The following COLGALT1 variants were observed in gnomAD, a reference collection of about 807,000 sequenced individuals.
COLGALT1 encodes collagen beta(1-O)galactosyltransferase 1.
COLGALT1 carries 43 observed loss-of-function variants against 60.8 expected under a neutral mutation model. The ratio of observed to expected loss-of-function variants is 0.71; its 90% CI spans 0.55 to 0.91. The LOEUF (loss-of-function observed/expected upper bound fraction) is 0.91. Ranked by LOEUF, COLGALT1 falls within the 40% of genes least tolerant of loss-of-function variation. The probability of loss-of-function intolerance (pLI) is 0.00; values close to 1 mark genes in which losing one functional copy is unlikely to be tolerated. For synonymous variants in COLGALT1, 369 were observed against 374.2 expected (o/e 0.99, Z 0.16); for missense variants, 845 against 880.0 (o/e 0.96, Z 0.50).
At chr19:17,561,663 T>A (rs948459675) in intron 3 of COLGALT1, among the ~76,000 whole-genome samples, 1 of 148,388 alleles carries the variant, frequency 6.7e-6, no homozygotes, top group African/African-American at 2.5e-5. Flanking sequence ...AAAACAGACT[T>A]ATAGGTTGAA....
At chr19:17,556,210 C>G (rs978192677) in intron 1 of COLGALT1, among the ~76,000 whole-genome samples, 2 of 152,200 alleles carry the variant, frequency 1.3e-5, no homozygotes, top group African/African-American at 4.8e-5. Context: ...CAGACACAGC[C>G]CTCCCCACAA....
At chr19:17,579,460 G>A (rs1295410887) in intron 9 of COLGALT1, 22 bp from the exon 10 acceptor site, 2 of 1,608,210 alleles carry the variant, frequency 1.2e-6, no homozygotes. Flanking sequence ...TCCCTGTGAT[G>A]TGGCGGGGCT....
intron 3 of COLGALT1, among the ~76,000 whole-genome samples, chr19:17,564,286 C>T (rs1002528168): frequency 1.4e-5 from 2 of 147,114 alleles, no homozygotes; most frequent in African/African-American, 2.5e-5. Context: ...TATGTGTGTG[C>T]GTGTGTGTAT....
intron 3 of COLGALT1, among the ~76,000 whole-genome samples, chr19:17,565,196 G>T (rs562954264): frequency 2.6e-5 from 4 of 151,778 alleles, no homozygotes; most frequent in African/African-American, 9.7e-5. Context: ...GCTCTGTCGC[G>T]CAGGTTTGCA....
At chr19:17,573,888 G>A (rs186976103) in intron 6 of COLGALT1, among the ~76,000 whole-genome samples, 2 of 151,994 alleles carry the variant, frequency 1.3e-5, no homozygotes, top group African/African-American at 4.8e-5. Flanking sequence ...AGGCTGAGGC[G>A]AGAGGATCCC....
At chr19:17,573,371 C>CA (rs1031002650) in intron 6 of COLGALT1, among the ~76,000 whole-genome samples, 15 of 151,656 alleles carry the variant, frequency 9.9e-5, no homozygotes, top group South Asian at 2.1e-4. Flanking sequence ...ACTAAAAATA[C>CA]AAAAAAAATT....
At position 17,581,275 on chromosome 19, in the gene COLGALT1, A is replaced by G; in HGVS notation, c.1700A>G (p.Tyr567Cys). The G allele has an allele frequency of 6.2e-7, 1 of 1,612,432 alleles. No individual in the cohort carries two copies. The highest frequency in any genetic ancestry group is 8.5e-7 in the Non-Finnish European group (1 of 1,179,960). ...ACACACTACACAGGAGACGATGGCTATGTGAGTGACACCGAGACCTCAGTC... is the reference window on the plus strand; with the variant it reads ...ACACACTACACAGGAGACGATGGCTGTGTGAGTGACACCGAGACCTCAGTC... ...YPTHYTGDDG[Y>C]VSDTETSVVW... Residue 567 changes from tyrosine (Y) to cysteine (C), a missense_variant, in exon 12 of 12, where the codon TAT becomes TGT. Coordinates refer to ENST00000252599, the MANE Select transcript of COLGALT1 (RefSeq NM_024656.4).
chr19:17,556,327 C>T (rs1234367893), intron 1 of COLGALT1, among the ~76,000 whole-genome samples: 1 of 152,222 alleles, frequency 6.6e-6, no homozygotes, highest in African/African-American at 2.4e-5. Flanking sequence ...AACTGGGGCT[C>T]TAACTCCCTC....
Position 17,577,955 on chromosome 19 carries a change from A to G in COLGALT1, c.1134-2A>G, listed in dbSNP as rs1417141912. 1 of 1,607,460 alleles carries G rather than the reference A, an allele frequency of 6.2e-7. No homozygotes were observed. The highest frequency in any genetic ancestry group is 2.2e-5 in the East Asian group (1 of 44,732). ...TCGTGACCCTCTCCTCCTCCTCTCC[A>G]GAGCCATGAACACCAGCCAGGTGGA... On this transcript the variant is annotated splice_acceptor_variant, in intron 8 of 11. Transcript: ENST00000252599. LOFTEE classifies it high-confidence loss of function.
At position 17,581,487 on chromosome 19, in the gene COLGALT1, G is replaced by A; in HGVS notation, c.*43G>A. The A allele has an allele frequency of 1.3e-6, 2 of 1,576,452 alleles. No individual in the cohort carries two copies. Among genetic ancestry groups the A allele is most frequent in the Middle Eastern group, 1.7e-4 (1 of 5,928 alleles). ...GCCAAAGCAGCCATCGGTGGCCCAGGCTCCACGTGCTTACTGAGGACATCA... is the reference window on the plus strand; with the variant it reads ...GCCAAAGCAGCCATCGGTGGCCCAGACTCCACGTGCTTACTGAGGACATCA... On this transcript the variant is annotated 3_prime_UTR_variant, in exon 12 of 12. Coordinates refer to ENST00000252599, the MANE Select transcript of COLGALT1 (RefSeq NM_024656.4).
chr19:17,567,654 G>A, intron 4 of COLGALT1, 114 bp downstream of exon 4: 1 of 1,258,888 alleles, frequency 7.9e-7, no homozygotes, highest in Non-Finnish European at 1.1e-6. Context: ...AAATCATCAT[G>A]GAAGCTGGGC....
chr19:17,578,074 C>G lies in COLGALT1; in HGVS notation c.1251C>G (p.Tyr417Ter). ...AGCTGGGCTGCTTCCTGAGCCACTA[C>G]AACATCTGGAAGGAGGTGTGTCCTG... ...KGELGCFLSH[Y>*]NIWKEVVDRG... The change falls in exon 9 of 12, where the codon TAC becomes TAG. Residue 417 changes from tyrosine (Y) to a stop codon, truncating the protein, a stop_gained. Transcript: ENST00000252599. LOFTEE classifies it high-confidence loss of function. 6.2e-7 allele frequency: 1 copy of G among 1,608,824 alleles called. No homozygotes were observed. Among genetic ancestry groups the G allele is most frequent in the South Asian group, 1.1e-5 (1 of 90,810 alleles).
chr19:17,577,471 A>G lies in COLGALT1; in HGVS notation c.1133+4A>G. 1 of 124,778 alleles carries G rather than the reference A, an allele frequency of 8.0e-6. No homozygotes were observed. Among genetic ancestry groups the G allele is most frequent in the Non-Finnish European group, 1.1e-5 (1 of 91,268 alleles). 7.7% of individuals were successfully genotyped at this position (124,778 alleles called of 1,614,324 possible). On this transcript the variant is annotated splice_donor_region_variant and intron_variant, in intron 8 of 11. Coordinates refer to ENST00000252599, the MANE Select transcript of COLGALT1 (RefSeq NM_024656.4). ...TGGTGGAGGCCGTGGACGGCAAGTG[A>G]GTCCGAGGCCTGGGGGTGGGGGGGC... is the stretch of plus-strand genomic sequence containing the variant.
At chr19:17,572,332 T>G (rs1022661407) in intron 5 of COLGALT1, 151 bp from the exon 6 acceptor site, 1 of 1,046,568 alleles carries the variant, frequency 9.6e-7, no homozygotes. Flanking sequence ...TTTGTAGATA[T>G]AAGGTCTTGC....
Position 17,581,659 on chromosome 19 carries a change from T to C in COLGALT1, c.*215T>C. The C allele has an allele frequency of 3.1e-6, 2 of 641,508 alleles. No homozygotes were observed. Among genetic ancestry groups the C allele is most frequent in the Admixed American group, 3.0e-5 (1 of 33,348 alleles). 39.7% of individuals were successfully genotyped at this position (641,508 alleles called of 1,614,324 possible). On this transcript the variant is annotated 3_prime_UTR_variant, in exon 12 of 12. Transcript: ENST00000252599. ...AGCAACAGGGCTTGGCCCTGGGGAATTGGGAGGAACCAAGCCCTCTTCATC... is the reference window on the plus strand; with the variant it reads ...AGCAACAGGGCTTGGCCCTGGGGAACTGGGAGGAACCAAGCCCTCTTCATC...
chr19:17,573,228 T>C (rs529701495), intron 6 of COLGALT1, among the ~76,000 whole-genome samples: 8 of 151,976 alleles, frequency 5.3e-5, no homozygotes, highest in Non-Finnish European at 1.0e-4. Flanking sequence ...ACCCCATCTC[T>C]ATATTAAAAA....
chr19:17,581,837 A>G lies in COLGALT1; in HGVS notation c.*393A>G, dbSNP rs1301655608. On this transcript the variant is annotated 3_prime_UTR_variant, in exon 12 of 12. Transcript: ENST00000252599. ...TAAGAATCAGGCACTAGTGATACACATTCATTTTTAAAATTCATTCAAGGA... is the reference window on the plus strand; with the variant it reads ...TAAGAATCAGGCACTAGTGATACACGTTCATTTTTAAAATTCATTCAAGGA... 4 of 209,246 alleles carry G rather than the reference A, an allele frequency of 1.9e-5. No homozygotes were observed. Among genetic ancestry groups the G allele is most frequent in the Non-Finnish European group, 3.9e-5 (4 of 102,838 alleles). The allele number at this position is 209,246 out of a possible 1,614,324, so 13.0% of individuals were successfully genotyped here.
intron 3 of COLGALT1, among the ~76,000 whole-genome samples, chr19:17,563,020 A>G (rs1351224953): frequency 2.0e-5 from 3 of 152,062 alleles, no homozygotes; most frequent in Non-Finnish European, 4.4e-5. Flanking sequence ...GGAGCCTTCC[A>G]GAGCCTTCTG....
intron 3 of COLGALT1, among the ~76,000 whole-genome samples, chr19:17,567,096 C>T (rs2076283631): frequency 2.6e-5 from 4 of 152,004 alleles, no homozygotes; most frequent in Admixed American, 2.6e-4. Flanking sequence ...GCCTGGGTGA[C>T]AGAGCGAGAC....
Sources: allele counts gnomAD v4.1 joint callset (sites outside exome capture counted in the v4.1 genomes callset), GRCh38; gene constraint gnomAD v4.1.1; transcripts MANE v1.5; gene names NCBI Gene and HGNC (gene_info 2026-07-23, HGNC 2026-07-21).